CPLANE1: variants seen among roughly 807,000 people sequenced by gnomAD.
The protein encoded by CPLANE1 is ciliogenesis and planar polarity effector 1.
Under a neutral mutation model 362.5 loss-of-function variants are expected in CPLANE1, and 263 were observed. That is an observed-to-expected ratio of 0.73 (90% CI 0.66 to 0.80). CPLANE1 has a LOEUF of 0.80. Ranked by LOEUF, CPLANE1 falls within the 30% of genes least tolerant of loss-of-function variation. The pLI is 0.00. For synonymous variants in CPLANE1, 1,212 were observed against 1,302.6 expected, an observed-to-expected ratio of 0.93 and a Z score of 1.50; for missense variants, 3,461 against 3,793.4, an observed-to-expected ratio of 0.91 and a Z score of 2.30.
In CPLANE1 at chr5:37,239,792, T is replaced by C; in HGVS notation, c.755A>G (p.Lys252Arg). ...CSLIPKCESVKSRGALISAFS... is the reference protein window; with the variant it reads ...CSLIPKCESVRSRGALISAFS... The stretch of plus-strand genomic sequence containing the variant: ...GGCAGAAATTAGAGCTCCTCTTGAC[T>C]TTACTGATTCACATTTAGGAATTAA... Residue 252 changes from lysine (K) to arginine (R), a missense_variant, in exon 7 of 53, where the codon AAG (lysine) becomes AGG (arginine). Around this residue, in one of 2 missense-constraint regions of CPLANE1, gnomAD observed 3,380 missense variants for 3,666.1 expected, o/e 0.92. Coordinates refer to ENST00000651892, the MANE Select transcript of CPLANE1 (RefSeq NM_001384732.1). 1 of 1,547,172 alleles carries C rather than the reference T, an allele frequency of 6.5e-7. No homozygotes were observed. Among genetic ancestry groups the C allele is most frequent in the African/African-American group, 1.4e-5 (1 of 73,122 alleles).
the CPLANE1 span, among the ~76,000 whole-genome samples, chr5:37,091,176 C>T: frequency 6.6e-6 from 1 of 152,170 alleles, no homozygotes; most frequent in African/African-American, 2.4e-5. Flanking sequence ...GGATTAGAAC[C>T]TCATCAGTTA....
At chr5:37,181,768 T>C (rs1056660325) in intron 26 of CPLANE1, among the ~76,000 whole-genome samples, 1 of 152,044 alleles carries the variant, frequency 6.6e-6, no homozygotes, top group Non-Finnish European at 1.5e-5. Context: ...ACAGCTGTGA[T>C]CCTAAGACTG....
At chr5:37,078,715 AT>A in the CPLANE1 span, among the ~76,000 whole-genome samples, 18,702 of 142,634 alleles carry the variant, frequency 0.13, 1,217 homozygotes, top group Admixed American at 0.21. Context: ...AGCATCTGTT[AT>A]TTTTTTTTTT....
intron 44 of CPLANE1, chr5:37,141,023 A>G: frequency 4.1e-6 from 4 of 985,376 alleles, no homozygotes; most frequent in Non-Finnish European, 4.8e-6. Flanking sequence ...AACACTAAAC[A>G]ACCACGTTCC....
In CPLANE1 at chr5:37,209,759, TAAAG is replaced by T. The variant is rs1792056033; in HGVS notation, c.2921-3338_2921-3335del. On this transcript the variant is annotated intron_variant, in intron 16 of 52. Coordinates refer to ENST00000651892, the MANE Select transcript of CPLANE1 (RefSeq NM_001384732.1). The surrounding 1 kb of genome is among the most constrained non-coding windows in gnomAD (Gnocchi z 4.6). ...ACAAATCACTGGTTTCAGGAGCTGA[TAAAG>T]AAAACCAAAAAGGTTTTCTTATGCA... is the stretch of plus-strand genomic sequence containing the variant. The T allele has an allele frequency of 4.8e-6, 6 of 1,245,802 alleles. No individual in the cohort carries two copies. The highest frequency in any genetic ancestry group is 1.5e-5 in the African/African-American group (1 of 67,802). 77.2% of individuals were successfully genotyped at this position (1,245,802 alleles called of 1,614,324 possible).
chr5:37,220,587 G>A (rs565722618), intron 15 of CPLANE1, among the ~76,000 whole-genome samples: 1 of 151,836 alleles, frequency 6.6e-6, no homozygotes, highest in Admixed American at 6.5e-5. Context: ...GTGCAGTGGC[G>A]CTACCTTGGC....
chr5:37,180,287 C>T, intron 27 of CPLANE1, 104 bp from the exon 28 acceptor site: 1 of 665,942 alleles, frequency 1.5e-6, no homozygotes, highest in Admixed American at 4.2e-5. Flanking sequence ...GGAGTCTCGC[C>T]CAGGCTGGAG....
intron 16 of CPLANE1, among the ~76,000 whole-genome samples, chr5:37,213,016 C>T (rs1417571276): frequency 6.6e-6 from 1 of 152,168 alleles, no homozygotes; most frequent in Non-Finnish European, 1.5e-5. Context: ...CGAGACCAGC[C>T]TGACTAACGT....
chr5:37,121,058 A>G (rs1762477378), intron 49 of CPLANE1, among the ~76,000 whole-genome samples: 1 of 152,248 alleles, frequency 6.6e-6, no homozygotes, highest in South Asian at 2.1e-4. Context: ...TTGACCATAT[A>G]TAAGAAATTT....
intron 16 of CPLANE1, chr5:37,210,096 T>C: frequency 2.4e-6 from 2 of 835,746 alleles, no homozygotes; most frequent in East Asian, 4.8e-5. Context: ...ATTAGCCGTG[T>C]TCCAGAATGA....
rs1279382736 is a variant in CPLANE1 at position 37,115,041 on chromosome 5, T to C, written c.9319A>G (p.Thr3107Ala). 2 of 1,602,030 alleles carry C rather than the reference T, an allele frequency of 1.2e-6. No homozygotes were observed. The highest frequency in any genetic ancestry group is 1.1e-5 in the South Asian group (1 of 90,056). ...CCAGCTTTTTTCTGTATGGTGAAAG[T>C]GGCAGTTCCTATACAGAGAGACAAA... ...QGSPWPHGTA[T>A]FTIQKKAGGA... Residue 3107 changes from threonine (T) to alanine (A), a missense_variant, in exon 51 of 53, where the codon ACT becomes GCT. Around this residue, in one of 2 missense-constraint regions of CPLANE1, gnomAD observed 3,380 missense variants for 3,666.1 expected, o/e 0.92. Transcript: ENST00000651892.
At chr5:37,211,415 C>T in intron 16 of CPLANE1, 2 of 1,515,616 alleles carry the variant, frequency 1.3e-6, no homozygotes, top group Non-Finnish European at 1.8e-6. Flanking sequence ...ACATTACTTC[C>T]AGTTCCCCGG....
chr5:37,231,328 C>A (rs1222461001), intron 8 of CPLANE1, among the ~76,000 whole-genome samples: 2 of 152,046 alleles, frequency 1.3e-5, no homozygotes, highest in Non-Finnish European at 2.9e-5. Context: ...GCCTGTAATC[C>A]CAGCACTTTG....
intron 8 of CPLANE1, among the ~76,000 whole-genome samples, chr5:37,235,315 G>A (rs889051926): frequency 6.6e-6 from 1 of 151,964 alleles, no homozygotes; most frequent in South Asian, 2.1e-4. Flanking sequence ...ACTGATAAAA[G>A]AAATTATAAT....
chr5:37,088,627 C>T, the CPLANE1 span, among the ~76,000 whole-genome samples: 1 of 152,152 alleles, frequency 6.6e-6, no homozygotes, highest in Non-Finnish European at 1.5e-5. Context: ...AGGAGCAAGC[C>T]CCAGGCCCCG....
At chr5:37,224,780 G>A (rs1380092358) in intron 12 of CPLANE1, 40 bp from the exon 13 acceptor site, 1 of 1,413,790 alleles carries the variant, frequency 7.1e-7, no homozygotes, top group Non-Finnish European at 9.7e-7. Flanking sequence ...GCAAATTTCA[G>A]GCTAATGATG....
chr5:37,125,169 T>C (rs1417364682), intron 47 of CPLANE1, 75 bp downstream of exon 47: 1 of 1,489,236 alleles, frequency 6.7e-7, no homozygotes, highest in South Asian at 1.3e-5. Context: ...TATGTTAATC[T>C]TTTTCTTAAA....
At chr5:37,082,076 A>T in the CPLANE1 span, among the ~76,000 whole-genome samples, 1 of 151,480 alleles carries the variant, frequency 6.6e-6, no homozygotes, top group Non-Finnish European at 1.5e-5. Context: ...CTGGGCAACA[A>T]GAGTGAAACT....
chr5:37,137,535 T>G (rs917150861), intron 46 of CPLANE1, among the ~76,000 whole-genome samples: 1 of 152,242 alleles, frequency 6.6e-6, no homozygotes, highest in Non-Finnish European at 1.5e-5. Context: ...TATATTAGTC[T>G]GTTCTTACAC....
Sources: gnomAD v4.1 joint callset for allele counts (sites outside exome capture counted in the v4.1 genomes callset) on GRCh38, gnomAD v4.1.1 for gene constraint, gnomAD v4.1.1 regional missense constraint, Gnocchi (gnomAD v3.1) non-coding constraint, MANE v1.5 for transcripts, NCBI Gene and HGNC (gene_info 2026-07-23, HGNC 2026-07-21) for gene names.